The following TENM2 variants were observed in gnomAD, a reference collection of about 807,000 sequenced individuals.
TENM2 encodes teneurin-2.
Under a neutral mutation model 245.2 loss-of-function variants are expected in TENM2, and 52 were observed. The observed-to-expected ratio is 0.21, with a 90% CI of 0.17 to 0.27. The LOEUF (loss-of-function observed/expected upper bound fraction) is 0.27, where lower values mean the gene tolerates loss of function less well. Ranked by LOEUF, TENM2 falls within the 10% of genes least tolerant of loss-of-function variation. The pLI, the probability that TENM2 is intolerant of heterozygous loss-of-function variation, is 1.00. For missense variants in TENM2, 3,046 were observed against 3,666.8 expected (o/e 0.83, Z 4.37); for synonymous variants, 1,363 against 1,438.9 (o/e 0.95, Z 1.19).
chr5:167,163,099 A>C, the TENM2 span, among the ~76,000 whole-genome samples: 1 of 152,164 alleles, frequency 6.6e-6, no homozygotes, highest in East Asian at 1.9e-4. Context: ...CTGTCTGGTA[A>C]CCTCCTTTTT....
intron 5 of TENM2, among the ~76,000 whole-genome samples, chr5:168,045,323 G>C (rs1447981094): frequency 6.6e-6 from 1 of 152,212 alleles, no homozygotes; most frequent in Non-Finnish European, 1.5e-5. Flanking sequence ...GTGGGAAGGG[G>C]AGGCAAGAGG....
chr5:167,662,073 G>T (rs1755247563), intron 2 of TENM2, among the ~76,000 whole-genome samples: 1 of 152,224 alleles, frequency 6.6e-6, no homozygotes, highest in Admixed American at 6.5e-5. Context: ...AGGATATAGA[G>T]TGGGGTGGGG....
the TENM2 span, among the ~76,000 whole-genome samples, chr5:167,253,513 T>C: frequency 6.6e-6 from 1 of 152,060 alleles, no homozygotes; most frequent in African/African-American, 2.4e-5. Context: ...AACGTAAAAA[T>C]CATTTAGAAG....
At chr5:167,529,047 T>G (rs1771311123) in intron 2 of TENM2, among the ~76,000 whole-genome samples, 1 of 152,164 alleles carries the variant, frequency 6.6e-6, no homozygotes, top group African/African-American at 2.4e-5. Context: ...CTATATCTAA[T>G]AATGGTAAAG....
Position 167,703,530 on chromosome 5 carries a change from C to CAA in TENM2, c.503-172440_503-172439dup, listed in dbSNP as rs747603141. Among the ~76,000 whole-genome samples, 835 of 97,116 alleles carry CAA rather than the reference C, an allele frequency of 8.6e-3. 28 individuals are homozygous for CAA. Among genetic ancestry groups the CAA allele is most frequent in the African/African-American group, 0.022 (680 of 31,038 alleles). 63.7% of individuals were successfully genotyped at this position (97,116 alleles called of 152,430 possible). ...CTGGGTGACAAGAGTGAAACCATCT[C>CAA]AAAAAAAAAAAAAAAAAGGCTACAT... is the stretch of plus-strand genomic sequence containing the variant. On this transcript the variant is annotated intron_variant, in intron 2 of 28. Coordinates refer to ENST00000518659, the Ensembl canonical transcript of TENM2.
At chr5:167,075,934 C>T in the TENM2 span, among the ~76,000 whole-genome samples, 1 of 152,130 alleles carries the variant, frequency 6.6e-6, no homozygotes, top group Non-Finnish European at 1.5e-5. Flanking sequence ...AATAGCTTTG[C>T]CAGGCAATAA....
intron 2 of TENM2, among the ~76,000 whole-genome samples, chr5:167,438,795 T>C (rs1764721353): frequency 6.6e-6 from 1 of 151,726 alleles, no homozygotes; most frequent in South Asian, 2.1e-4. Context: ...GTTTTTTGTT[T>C]GATAGTTTGC....
the TENM2 span, among the ~76,000 whole-genome samples, chr5:167,117,730 G>GT: frequency 2.0e-5 from 3 of 152,050 alleles, no homozygotes; most frequent in Non-Finnish European, 4.4e-5. Context: ...TGTAAGGCAG[G>GT]TAATTCTTTG....
the TENM2 span, among the ~76,000 whole-genome samples, chr5:167,038,399 C>T: frequency 1.4e-4 from 21 of 152,240 alleles, no homozygotes; most frequent in South Asian, 4.1e-4. Flanking sequence ...AACTGAGATA[C>T]GGAGGACCAC....
intron 3 of TENM2, among the ~76,000 whole-genome samples, chr5:167,919,448 T>G (rs1400488705): frequency 1.3e-5 from 2 of 152,202 alleles, no homozygotes; most frequent in Admixed American, 1.3e-4. Context: ...TAAATCTGAT[T>G]TACATAGAGG....
chr5:167,498,835 C>G (rs189600980), intron 2 of TENM2, among the ~76,000 whole-genome samples: 16 of 152,074 alleles, frequency 1.1e-4, no homozygotes, highest in Non-Finnish European at 1.3e-4. Context: ...GAGGATGATG[C>G]GTGTGGGAGC....
chr5:167,359,618 C>T (rs1018246448), intron 1 of TENM2, among the ~76,000 whole-genome samples: 1 of 152,066 alleles, frequency 6.6e-6, no homozygotes, highest in South Asian at 2.1e-4. Flanking sequence ...TTGCTAGGGG[C>T]ATCGCTGTCA....
chr5:167,213,793 ATT>A, the TENM2 span, among the ~76,000 whole-genome samples: 1 of 152,332 alleles, frequency 6.6e-6, no homozygotes, highest in African/African-American at 2.4e-5. Flanking sequence ...GCAGATCTAT[ATT>A]CCTATGGGAA....
At chr5:167,215,613 C>A in the TENM2 span, among the ~76,000 whole-genome samples, 2 of 152,042 alleles carry the variant, frequency 1.3e-5, no homozygotes, top group Non-Finnish European at 2.9e-5. Flanking sequence ...AAAATAGTCT[C>A]GGAACTGAAA....
chr5:167,570,076 C>T (rs1179099975), intron 2 of TENM2, among the ~76,000 whole-genome samples: 1 of 152,110 alleles, frequency 6.6e-6, no homozygotes, highest in African/African-American at 2.4e-5. Context: ...GAGAAAAGGC[C>T]GTTCTAAACA....
intron 17 of TENM2, among the ~76,000 whole-genome samples, 153 bp downstream of exon 19, chr5:168,200,284 G>A (rs554786179): frequency 6.6e-6 from 1 of 152,166 alleles, no homozygotes; most frequent in African/African-American, 2.4e-5. Flanking sequence ...CTTCCACGGG[G>A]TTTACATTTT....
chr5:167,265,268 G>T, the TENM2 span, among the ~76,000 whole-genome samples: 1 of 140,314 alleles, frequency 7.1e-6, no homozygotes, highest in South Asian at 2.3e-4. Context: ...GGAGGTGGAG[G>T]TTTCAGTAAG....
intron 7 of TENM2, among the ~76,000 whole-genome samples, chr5:168,073,369 A>C (rs1791188693): frequency 6.6e-6 from 1 of 152,220 alleles, no homozygotes; most frequent in South Asian, 2.1e-4. Context: ...TGAGTTAAGC[A>C]GGCAAGGAGA....
rs923077127 is a variant in TENM2 at position 167,949,457 on chromosome 5, T to G, written c.713-3131T>G. On this transcript the variant is annotated intron_variant, in intron 3 of 28. Transcript: ENST00000518659. ...ACTCAAATCTGGGGTCCCTGAGAGCTGCAGTTATGTCTTATCCATCCTTTC... is the reference window on the plus strand; with the variant it reads ...ACTCAAATCTGGGGTCCCTGAGAGCGGCAGTTATGTCTTATCCATCCTTTC... Among the ~76,000 whole-genome samples, 69 of 152,184 alleles carry G rather than the reference T, an allele frequency of 4.5e-4. 1 individual carries two copies. Among genetic ancestry groups the G allele is most frequent in the Admixed American group, 6.5e-4 (10 of 15,272 alleles).
Sources: allele counts gnomAD v4.1 joint callset (sites outside exome capture counted in the v4.1 genomes callset), GRCh38; gene constraint gnomAD v4.1.1; transcripts MANE v1.5; gene names NCBI Gene and HGNC (gene_info 2026-07-23, HGNC 2026-07-21).